The following RBFOX3 variants were observed in gnomAD, a reference collection of about 807,000 sequenced individuals.
RBFOX3 encodes the protein RNA binding fox-1 homolog 3.
RBFOX3 carries 17 observed loss-of-function variants against 48.7 expected under a neutral mutation model. That is an observed-to-expected ratio of 0.35 (90% CI 0.24 to 0.52). RBFOX3 has a LOEUF of 0.52. RBFOX3 is among the 20% of genes least tolerant of loss of function. The pLI is 0.94. For missense variants in RBFOX3, 382 were observed against 497.5 expected (o/e 0.77, Z 2.21); for synonymous variants, 212 against 209.5 (o/e 1.01, Z -0.10).
chr17:79,274,817 C>A lies in RBFOX3; in HGVS notation c.-74+32907G>T, dbSNP rs542811042. On this transcript the variant is annotated intron_variant, in intron 3 of 14. Coordinates refer to ENST00000693108, the MANE Select transcript of RBFOX3 (RefSeq NM_001350451.2). Reference sequence around the variant, plus strand: ...TTGGCTCCTGCCCATCCTCCCTGACCACGGTCCCGCCAGCACAATCCAACC... The same window carrying A: ...TTGGCTCCTGCCCATCCTCCCTGACAACGGTCCCGCCAGCACAATCCAACC... 5.9e-5 allele frequency among the ~76,000 whole-genome samples: 9 copies of A among 152,212 alleles called. No homozygotes were observed. The East Asian group carries it at 1.7e-3, about 29-fold the overall frequency.
intron 2 of RBFOX3, among the ~76,000 whole-genome samples, chr17:79,476,272 G>C (rs1449866547): frequency 6.6e-6 from 1 of 152,224 alleles, no homozygotes; most frequent in Non-Finnish European, 1.5e-5. Context: ...GTGTCCTGGG[G>C]AACTCGCCCA....
intron 1 of RBFOX3, among the ~76,000 whole-genome samples, chr17:79,485,927 A>G (rs1462424086): frequency 6.6e-6 from 1 of 152,210 alleles, no homozygotes; most frequent in African/African-American, 2.4e-5. Context: ...CCCGATTGTA[A>G]TGGCATGTTT....
chr17:79,465,944 C>T (rs1352039632), intron 2 of RBFOX3, among the ~76,000 whole-genome samples: 1 of 152,232 alleles, frequency 6.6e-6, no homozygotes, highest in Admixed American at 6.5e-5. Context: ...ATTCCCCTCT[C>T]CCTGAGCAAA....
upstream of RBFOX3, among the ~76,000 whole-genome samples, chr17:79,611,794 C>T (rs1178247335): frequency 4.6e-5 from 7 of 152,246 alleles, no homozygotes; most frequent in Admixed American, 3.9e-4. Context: ...GGATCGGGCC[C>T]ACTCCGTGCT....
At chr17:79,470,108 C>T (rs982012059) in intron 2 of RBFOX3, among the ~76,000 whole-genome samples, 4 of 152,154 alleles carry the variant, frequency 2.6e-5, no homozygotes, top group Admixed American at 1.3e-4. Context: ...GTCATCCTTA[C>T]GTTCAGCTCC....
chr17:79,328,984 G>A (rs545053575), intron 2 of RBFOX3, among the ~76,000 whole-genome samples: 1 of 152,224 alleles, frequency 6.6e-6, no homozygotes, highest in African/African-American at 2.4e-5. Flanking sequence ...GGTGCCCCAG[G>A]TATGGGCTGA....
intron 1 of RBFOX3, among the ~76,000 whole-genome samples, chr17:79,606,197 GC>G (rs2093826584): frequency 2.0e-5 from 3 of 152,160 alleles, no homozygotes; most frequent in Non-Finnish European, 4.4e-5. Context: ...AACAGTCAAG[GC>G]CCCCACGTGT....
At chr17:79,148,714 G>T (rs1260508075) in intron 4 of RBFOX3, among the ~76,000 whole-genome samples, 2 of 152,224 alleles carry the variant, frequency 1.3e-5, no homozygotes, top group Non-Finnish European at 2.9e-5. Flanking sequence ...TGAGAGTTGG[G>T]CGACTCTATC....
chr17:79,488,208 G>A (rs1188368690), intron 1 of RBFOX3, among the ~76,000 whole-genome samples: 1 of 152,180 alleles, frequency 6.6e-6, no homozygotes, highest in Non-Finnish European at 1.5e-5. Flanking sequence ...TTGGACTTCA[G>A]CATGCAAGGA....
At chr17:79,485,917 C>T (rs2149530248) in intron 1 of RBFOX3, among the ~76,000 whole-genome samples, 1 of 152,342 alleles carries the variant, frequency 6.6e-6, no homozygotes, top group East Asian at 1.9e-4. Context: ...ACAGCTTGTC[C>T]CCGATTGTAA....
At position 79,365,126 on chromosome 17, in the gene RBFOX3, C is replaced by T. The variant is rs569142152; in HGVS notation, c.-174-57302G>A. On this transcript the variant is annotated intron_variant, in intron 2 of 14. Coordinates refer to ENST00000693108, the MANE Select transcript of RBFOX3 (RefSeq NM_001350451.2). ...CACTTTAGTTTCTGCTCTGGATGTG[C>T]GCACACACACACACACACACTCTCT... 1.1e-4 allele frequency among the ~76,000 whole-genome samples: 15 copies of T among 139,392 alleles called. No homozygotes were observed. The East Asian group carries it at 1.5e-3, about 14-fold the overall frequency. 91.4% of individuals were successfully genotyped at this position (139,392 alleles called of 152,430 possible).
chr17:79,399,256 G>A (rs2062458408), intron 2 of RBFOX3, among the ~76,000 whole-genome samples: 1 of 152,144 alleles, frequency 6.6e-6, no homozygotes. Flanking sequence ...TTGTTACAGC[G>A]GCCACAGGAA....
chr17:79,125,716 C>T (rs2147306573), intron 4 of RBFOX3, among the ~76,000 whole-genome samples: 1 of 152,370 alleles, frequency 6.6e-6, no homozygotes, highest in South Asian at 2.1e-4. Context: ...ACGGCTCCCG[C>T]CTGCGGGAAG....
At chr17:79,486,356 T>C (rs1369170138) in intron 1 of RBFOX3, among the ~76,000 whole-genome samples, 2 of 152,230 alleles carry the variant, frequency 1.3e-5, no homozygotes, top group South Asian at 4.2e-4. Flanking sequence ...CCGACCTGTA[T>C]TTATTGCCCC....
intron 1 of RBFOX3, among the ~76,000 whole-genome samples, chr17:79,573,588 C>T (rs1328939564): frequency 6.6e-6 from 1 of 152,214 alleles, no homozygotes; most frequent in East Asian, 1.9e-4. Context: ...GTCCCTTTAA[C>T]AAGCTCTCTC....
At position 79,215,437 on chromosome 17, in the gene RBFOX3, T is replaced by G. The variant is rs529651241; in HGVS notation, c.-34+20329A>C. Among the ~76,000 whole-genome samples the G allele has an allele frequency of 2.0e-5, 3 of 152,316 alleles. No individual in the cohort carries two copies. In the South Asian group the frequency reaches 6.2e-4, roughly 32 times the overall value. ...CTCTGCCATGCCAAGGACGTAGCAC[T>G]GTCAACACGCTCCCTCTCTCCCTCC... On this transcript the variant is annotated intron_variant, in intron 4 of 14. Transcript: ENST00000693108.
Position 79,173,951 on chromosome 17 carries a change from T to A in RBFOX3, c.-33-58203A>T, listed in dbSNP as rs529754155. On this transcript the variant is annotated intron_variant, in intron 4 of 14. Transcript: ENST00000693108. ...GGTGGGGGTGTCAGCGACCTCTTAG[T>A]CACCCTTGACTCCAGGGTCACTGGA... Among the ~76,000 whole-genome samples, 4 of 151,784 alleles carry A rather than the reference T, an allele frequency of 2.6e-5. No homozygotes were observed. The East Asian group carries it at 7.8e-4, about 30-fold the overall frequency.
At chr17:79,475,882 A>T (rs1265889984) in intron 2 of RBFOX3, among the ~76,000 whole-genome samples, 5 of 152,298 alleles carry the variant, frequency 3.3e-5, no homozygotes, top group Admixed American at 3.3e-4. Flanking sequence ...CTGAGAAGCA[A>T]CCCCGCTGCC....
At chr17:79,100,888 G>A (rs2076307296) in intron 9 of RBFOX3, among the ~76,000 whole-genome samples, 1 of 152,212 alleles carries the variant, frequency 6.6e-6, no homozygotes, top group South Asian at 2.1e-4. Flanking sequence ...GCAGTGGGGT[G>A]CACACACACA....
Sources: gnomAD v4.1 joint callset for allele counts (sites outside exome capture counted in the v4.1 genomes callset) on GRCh38, gnomAD v4.1.1 for gene constraint, MANE v1.5 for transcripts, NCBI Gene and HGNC (gene_info 2026-07-23, HGNC 2026-07-21) for gene names.